The following MARK4 variants were observed in gnomAD, a reference collection of about 807,000 sequenced individuals.
MARK4 encodes MAP/microtubule affinity-regulating kinase 4.
Under a neutral mutation model 81.5 loss-of-function variants are expected in MARK4, and 19 were observed. That is an observed-to-expected ratio of 0.23 (90% confidence interval 0.16 to 0.34). The LOEUF is 0.34. Among genes scored for constraint, MARK4 ranks in the 10% least tolerant of loss-of-function variants. MARK4 has a pLI of 1.00. For missense variants in MARK4, 772 were observed against 1,058.8 expected, an observed-to-expected ratio of 0.73 and a Z score of 3.76; for synonymous variants, 436 against 439.0, an observed-to-expected ratio of 0.99 and a Z score of 0.08.
intron 12 of MARK4, among the ~76,000 whole-genome samples, chr19:45,283,807 CTGAG>C (rs1970708389): frequency 6.6e-6 from 1 of 152,046 alleles, no homozygotes; most frequent in Admixed American, 6.6e-5. Context: ...AGTGGAATTG[CTGAG>C]TCATCTGGTA....
intron 2 of MARK4, among the ~76,000 whole-genome samples, chr19:45,261,093 C>G (rs1970374957): frequency 6.6e-6 from 1 of 152,104 alleles, no homozygotes; most frequent in African/African-American, 2.4e-5. Context: ...CTCACGCTGT[C>G]TACACCATAC....
At chr19:45,269,062 G>A (rs1279860553) in intron 7 of MARK4, among the ~76,000 whole-genome samples, 1 of 152,104 alleles carries the variant, frequency 6.6e-6, no homozygotes, top group East Asian at 1.9e-4. Flanking sequence ...GGATTGCGGA[G>A]CCTCAAATGG....
chr19:45,261,014 C>A (rs964388508), intron 2 of MARK4, among the ~76,000 whole-genome samples: 3 of 152,162 alleles, frequency 2.0e-5, no homozygotes, highest in East Asian at 1.9e-4. Context: ...ATGATTTCCC[C>A]ACCCCTCCTT....
chr19:45,263,078 C>T, intron 2 of MARK4, 35 bp from the exon 3 acceptor site: 2 of 1,585,110 alleles, frequency 1.3e-6, no homozygotes, highest in Non-Finnish European at 1.7e-6. Context: ...GCTTGTGGCA[C>T]CTTGACCGTC....
chr19:45,276,620 A>G (rs1404185308), intron 8 of MARK4, among the ~76,000 whole-genome samples: 10 of 144,128 alleles, frequency 6.9e-5, no homozygotes, highest in African/African-American at 1.8e-4. Flanking sequence ...AGCATTTTAC[A>G]GATTTTTTTT....
rs149790082 is a variant in MARK4 at position 45,273,973 on chromosome 19, G to C, written c.786+2265G>C. ...ATAAAGGTACCAACCCTGTGGGCCG[G>C]GCGTGGTGGCTCACGCCTGTAATCC... On this transcript the variant is annotated intron_variant, in intron 8 of 16. Coordinates refer to ENST00000262891, the MANE Select transcript of MARK4 (RefSeq NM_001199867.2). 7.3e-3 allele frequency among the ~76,000 whole-genome samples: 1,115 copies of C among 152,362 alleles called. 22 individuals are homozygous for C. The highest frequency in any genetic ancestry group is 0.025 in the African/African-American group (1,049 of 41,586).
At chr19:45,278,364 T>G in intron 9 of MARK4, 152 bp from the exon 10 acceptor site, 1 of 728,618 alleles carries the variant, frequency 1.4e-6, no homozygotes, top group South Asian at 1.7e-5. Context: ...GCAGGGGACG[T>G]GGGGGAGAGA....
chr19:45,260,649 AT>A lies in MARK4; in HGVS notation c.252+1462del, dbSNP rs1308446944. 2.0e-5 allele frequency among the ~76,000 whole-genome samples: 3 copies of A among 152,224 alleles called. No homozygotes were observed. The East Asian group carries it at 5.8e-4, about 29-fold the overall frequency. ...GAGGCGAAGGCCGCAGTGAGCCGAG[AT>A]TGTGCCACTGCACTCCAGCCTGGGT... is the stretch of plus-strand genomic sequence containing the variant. On this transcript the variant is annotated intron_variant, in intron 2 of 16. Transcript: ENST00000262891.
At chr19:45,288,053 G>T (rs192144385) in intron 13 of MARK4, 36 of 233,716 alleles carry the variant, frequency 1.5e-4, no homozygotes, top group African/African-American at 6.2e-4. Context: ...CATAGCAGAC[G>T]CCATCTCAAC....
intron 2 of MARK4, among the ~76,000 whole-genome samples, chr19:45,261,863 G>A (rs1483255835): frequency 6.6e-5 from 10 of 152,216 alleles, no homozygotes; most frequent in Admixed American, 4.6e-4. Context: ...AACCTGAGAG[G>A]TGGAGGTCGC....
At position 45,302,847 on chromosome 19, in the gene MARK4, G is replaced by C; in HGVS notation, c.*137G>C. The C allele has an allele frequency of 7.4e-7, 1 of 1,346,346 alleles. No individual in the cohort carries two copies. Among genetic ancestry groups the C allele is most frequent in the Non-Finnish European group, 9.9e-7 (1 of 1,006,768 alleles). 83.4% of individuals were successfully genotyped at this position (1,346,346 alleles called of 1,614,324 possible). A position where few individuals can be genotyped will look rare whatever the true frequency, so the allele number is the denominator to read the frequency against. On this transcript the variant is annotated 3_prime_UTR_variant, in exon 17 of 17. Transcript: ENST00000262891. This position sits in a 1 kb window ranked among gnomAD's most constrained non-coding sequence, Gnocchi z 4.9. The stretch of plus-strand genomic sequence containing the variant: ...TGAATTATATTTGGGGGCAAAGATT[G>C]TCCCCTCTGCTGTTCTCTGGGGCCG...
chr19:45,265,922 C>T (rs968774901), intron 6 of MARK4, among the ~76,000 whole-genome samples: 13 of 151,952 alleles, frequency 8.6e-5, no homozygotes, highest in Non-Finnish European at 1.3e-4. Flanking sequence ...TGAGTTGGGG[C>T]GGCCTGTCTA....
In MARK4 at chr19:45,271,279, C is replaced by T. The variant is rs912944929; in HGVS notation, c.550-193C>T. 6.6e-6 allele frequency among the ~76,000 whole-genome samples: 1 copy of T among 152,188 alleles called. No individual in the cohort carries two copies. The highest frequency in any genetic ancestry group is 1.5e-5 in the Non-Finnish European group (1 of 68,032). ...ATGAAATAGGAACTAAGATTATCCC[C>T]ATTCTATGGATGAGGAAACTGAGGC... is the stretch of plus-strand genomic sequence containing the variant. On this transcript the variant is annotated intron_variant, in intron 7 of 16. Transcript: ENST00000262891. The surrounding 1 kb of genome is among the most constrained non-coding windows in gnomAD (Gnocchi z 4.1).
intron 4 of MARK4, 99 bp from the exon 5 acceptor site, chr19:45,264,585 G>C (rs1568492026): frequency 1.5e-5 from 17 of 1,101,188 alleles, no homozygotes; most frequent in Non-Finnish European, 5.5e-6. Context: ...GTTGAGTTGG[G>C]GTGGGGGTGT....
intron 1 of MARK4, chr19:45,258,759 A>G (rs1970342313): frequency 3.7e-6 from 2 of 542,510 alleles, no homozygotes; most frequent in South Asian, 4.8e-5. Flanking sequence ...GGGTTGAAGA[A>G]GGGGTGTGAT....
At chr19:45,254,462 T>C (rs1970282674) in intron 1 of MARK4, among the ~76,000 whole-genome samples, 2 of 152,114 alleles carry the variant, frequency 1.3e-5, no homozygotes, top group South Asian at 2.1e-4. Flanking sequence ...CTCCCTGGTC[T>C]CTCCTGGGAA....
chr19:45,290,788 C>T (rs1302930377), intron 13 of MARK4, among the ~76,000 whole-genome samples: 1 of 152,204 alleles, frequency 6.6e-6, no homozygotes, highest in Non-Finnish European at 1.5e-5. Flanking sequence ...GTGACCCTGC[C>T]ACCACCTGTG....
chr19:45,294,029 G>T (rs1258692964), intron 13 of MARK4, among the ~76,000 whole-genome samples: 1 of 152,282 alleles, frequency 6.6e-6, no homozygotes, highest in East Asian at 1.9e-4. Flanking sequence ...GGTGTGGCTG[G>T]GCTGGACCTC....
chr19:45,254,362 T>G (rs765148406), intron 1 of MARK4, among the ~76,000 whole-genome samples: 3 of 152,162 alleles, frequency 2.0e-5, no homozygotes, highest in Non-Finnish European at 2.9e-5. Context: ...CACCTCCAGC[T>G]GGCTGCCCTG....
Sources: gnomAD v4.1 joint callset for allele counts (sites outside exome capture counted in the v4.1 genomes callset) on GRCh38, gnomAD v4.1.1 for gene constraint, Gnocchi (gnomAD v3.1) non-coding constraint, MANE v1.5 for transcripts, NCBI Gene and HGNC (gene_info 2026-07-23, HGNC 2026-07-21) for gene names.